YEATS4: variants seen among roughly 807,000 people sequenced by gnomAD.
The protein encoded by YEATS4 is YEATS domain containing 4, also known as YEATS domain-containing protein 4.
YEATS4 carries 17 observed loss-of-function variants against 30.1 expected under a neutral mutation model. The ratio of observed to expected loss-of-function variants is 0.56; its 90% CI spans 0.39 to 0.85. The LOEUF is 0.85. Ranked by LOEUF, YEATS4 falls within the 40% of genes least tolerant of loss-of-function variation. The pLI is 0.00. For synonymous variants in YEATS4, 85 were observed against 87.5 expected (o/e 0.97, Z 0.16); for missense variants, 142 against 268.3 (o/e 0.53, Z 3.29).
chr12:69,385,750 GT>G (rs1876247841), intron 6 of YEATS4, among the ~76,000 whole-genome samples: 1 of 152,204 alleles, frequency 6.6e-6, no homozygotes, highest in Non-Finnish European at 1.5e-5. Flanking sequence ...TCAAGAAATA[GT>G]AAAAATGATA....
At chr12:69,360,303 A>G (rs568301668) in intron 1 of YEATS4, among the ~76,000 whole-genome samples, 28 of 151,986 alleles carry the variant, frequency 1.8e-4, no homozygotes, top group Non-Finnish European at 3.8e-4. Context: ...GAAACGGGCG[A>G]CTCCGAGGGC....
At chr12:69,378,367 T>C (rs766513276) in intron 6 of YEATS4, among the ~76,000 whole-genome samples, 4 of 151,880 alleles carry the variant, frequency 2.6e-5, no homozygotes, top group Admixed American at 2.6e-4. Context: ...TTCACTGATA[T>C]TGATATTTAC....
chr12:69,421,898 G>A, the YEATS4 span, among the ~76,000 whole-genome samples: 127 of 152,286 alleles, frequency 8.3e-4, 1 homozygote, highest in African/African-American at 2.9e-3. Context: ...CACCGTGAAG[G>A]TTGAGTAGAA....
At chr12:69,406,556 T>G in the YEATS4 span, among the ~76,000 whole-genome samples, 1 of 152,054 alleles carries the variant, frequency 6.6e-6, no homozygotes, top group African/African-American at 2.4e-5. Context: ...TATTTTATTG[T>G]TTTGCTTTGC....
intron 1 of YEATS4, 116 bp downstream of exon 1, chr12:69,360,139 C>A: frequency 8.2e-7 from 1 of 1,221,670 alleles, no homozygotes; most frequent in Non-Finnish European, 1.1e-6. Flanking sequence ...CGGGTTTGAA[C>A]CGTGGTTTCA....
chr12:69,388,202 A>G (rs1280949011), intron 6 of YEATS4, among the ~76,000 whole-genome samples: 1 of 152,158 alleles, frequency 6.6e-6, no homozygotes, highest in Non-Finnish European at 1.5e-5. Flanking sequence ...CTGGGACTAC[A>G]AGTGCTCGCC....
In YEATS4 at chr12:69,388,053, T is replaced by TTTATTTG. The variant is rs1284989678; in HGVS notation, c.515-2092_515-2091insATTTGTT. Among the ~76,000 whole-genome samples the TTTATTTG allele has an allele frequency of 2.7e-5, 3 of 110,110 alleles. No homozygotes were observed. In the Admixed American group the frequency reaches 2.8e-4, roughly 10 times the overall value. The allele number at this position is 110,110 out of a possible 152,430, so 72.2% of individuals were successfully genotyped here. A position where few individuals can be genotyped will look rare whatever the true frequency, so the allele number is the denominator to read the frequency against. On this transcript the variant is annotated intron_variant, in intron 6 of 6. Transcript: ENST00000247843. Reference sequence around the variant, plus strand: ...AATATTCATTGAATTTTTTTATTTTTTTTATTTTTATTTTTTTTTTTTGAG... The same window carrying TTTATTTG: ...AATATTCATTGAATTTTTTTATTTTTTTATTTGTTTATTTTTATTTTTTTTTTTTGAG...
chr12:69,383,379 C>A (rs1876154305), intron 6 of YEATS4, among the ~76,000 whole-genome samples: 1 of 152,132 alleles, frequency 6.6e-6, no homozygotes, highest in East Asian at 1.9e-4. Context: ...GAAGTGTAGG[C>A]TGGAGACATA....
chr12:69,363,406 A>G (rs1302493665), intron 2 of YEATS4, among the ~76,000 whole-genome samples: 2 of 152,236 alleles, frequency 1.3e-5, no homozygotes, highest in African/African-American at 4.8e-5. Context: ...ATGATACTAG[A>G]AATCAATTTT....
chr12:69,417,571 T>A, the YEATS4 span, among the ~76,000 whole-genome samples: 2 of 152,110 alleles, frequency 1.3e-5, no homozygotes, highest in Non-Finnish European at 2.9e-5. Flanking sequence ...AGGCTAAAAA[T>A]CCTGTGACTC....
chr12:69,359,743 C>T lies in YEATS4; in HGVS notation c.-230C>T, dbSNP rs17106467. 4,881 of 548,584 alleles carry T rather than the reference C, an allele frequency of 8.9e-3. 193 individuals carry two copies. Among genetic ancestry groups the T allele is most frequent in the African/African-American group, 0.084 (4,301 of 51,336 alleles). 34.0% of individuals were successfully genotyped at this position (548,584 alleles called of 1,614,324 possible). A position where few individuals can be genotyped will look rare whatever the true frequency, so the allele number is the denominator to read the frequency against. Reference sequence around the variant, plus strand: ...CCTGCGCGCGGTGCGGCCGTCGCCCCTCTTTTCGCGGCGTTCTCCACCTGC... The same window carrying T: ...CCTGCGCGCGGTGCGGCCGTCGCCCTTCTTTTCGCGGCGTTCTCCACCTGC... On this transcript the variant is annotated 5_prime_UTR_variant, in exon 1 of 7. Coordinates refer to ENST00000247843, the MANE Select transcript of YEATS4 (RefSeq NM_006530.4).
At chr12:69,398,222 T>A in the YEATS4 span, among the ~76,000 whole-genome samples, 1 of 151,854 alleles carries the variant, frequency 6.6e-6, no homozygotes, top group Non-Finnish European at 1.5e-5. Context: ...GCAAAAAGAA[T>A]AAAAGTCATC....
intron 3 of YEATS4, 28 bp from the exon 4 acceptor site, chr12:69,365,762 T>C: frequency 6.5e-7 from 1 of 1,531,296 alleles, no homozygotes; most frequent in Non-Finnish European, 8.7e-7. Context: ...ACTAAACCGA[T>C]AATTTACTAT....
At chr12:69,376,542 A>C (rs1001941880) in intron 6 of YEATS4, among the ~76,000 whole-genome samples, 2 of 152,214 alleles carry the variant, frequency 1.3e-5, no homozygotes, top group Admixed American at 6.5e-5. Flanking sequence ...CGATTCTTAC[A>C]TCCCTGGGAT....
At chr12:69,364,283 C>G in intron 2 of YEATS4, 1 of 344,542 alleles carries the variant, frequency 2.9e-6, no homozygotes, top group Non-Finnish European at 5.8e-6. Flanking sequence ...AAGACTCCAT[C>G]TCTACAGAAA....
the YEATS4 span, among the ~76,000 whole-genome samples, chr12:69,414,324 G>A: frequency 2.8e-5 from 4 of 143,358 alleles, no homozygotes; most frequent in East Asian, 8.1e-4. Context: ...CAAGCTCCTG[G>A]GTTCAAGTGA....
Position 69,370,738 on chromosome 12 carries a change from A to G in YEATS4, c.366A>G (p.Gln122=). The change falls in exon 5 of 7, where the codon CAA becomes CAG. Residue 122 remains glutamine (Q), a synonymous_variant. Transcript: ENST00000247843. ...VTLYHLLKLF[Q]SDTNAMLGKK... is the part of the protein sequence containing the mutation. ...TGTATCATTTGCTAAAGCTGTTTCA[A>G]TCAGACACCAATGCAATGCTGGGGA... 6.3e-7 allele frequency: 1 copy of G among 1,589,860 alleles called. No homozygotes were observed. Among genetic ancestry groups the G allele is most frequent in the South Asian group, 1.2e-5 (1 of 85,768 alleles).
chr12:69,359,816 G>A lies in YEATS4; in HGVS notation c.-157G>A, dbSNP rs1015665130. 2 of 829,716 alleles carry A rather than the reference G, an allele frequency of 2.4e-6. No homozygotes were observed. The highest frequency in any genetic ancestry group is 3.7e-6 in the Non-Finnish European group (2 of 535,770). The allele number at this position is 829,716 out of a possible 1,614,324, so 51.4% of individuals were successfully genotyped here. A position where few individuals can be genotyped will look rare whatever the true frequency, so the allele number is the denominator to read the frequency against. The stretch of plus-strand genomic sequence containing the variant: ...AGCACAGTCGGCCTGAGGAGTTGAC[G>A]GTTACTCACCGCCGTGAGCCCAAGT... On this transcript the variant is annotated 5_prime_UTR_variant, in exon 1 of 7. Coordinates refer to ENST00000247843, the MANE Select transcript of YEATS4 (RefSeq NM_006530.4).
In YEATS4 at chr12:69,360,031, C is replaced by T. The variant is rs921150725; in HGVS notation, c.51+8C>T. ...TCCGGCGGGAGAGTAAAGGTCAGTG[C>T]CCGGACCGCCCCTCTTCCGGGGTGG... is the stretch of plus-strand genomic sequence containing the variant. On this transcript the variant is annotated splice_region_variant and intron_variant, in intron 1 of 6. Transcript: ENST00000247843. 9 of 1,612,430 alleles carry T rather than the reference C, an allele frequency of 5.6e-6. No homozygotes were observed. The highest frequency in any genetic ancestry group is 6.8e-6 in the Non-Finnish European group (8 of 1,179,226).
Sources: allele counts gnomAD v4.1 joint callset (sites outside exome capture counted in the v4.1 genomes callset), GRCh38; gene constraint gnomAD v4.1.1; transcripts MANE v1.5; gene names NCBI Gene and HGNC (gene_info 2026-07-23, HGNC 2026-07-21).